Variants in NALF1 observed in about 807,000 individuals in gnomAD.
The protein encoded by NALF1 is family with sequence similarity 155 member A.
In NALF1, 3 loss-of-function variants were observed where a neutral mutation model predicts 48.4. The ratio of observed to expected loss-of-function variants is 0.06; its 90% confidence interval spans 0.03 to 0.16. NALF1 has a LOEUF of 0.16. NALF1 is among the 10% of genes least tolerant of loss of function. NALF1 has a pLI of 1.00. For synonymous variants in NALF1, 262 were observed against 245.7 expected, an observed-to-expected ratio of 1.07 and a Z score of -0.62; for missense variants, 526 against 571.5, an observed-to-expected ratio of 0.92 and a Z score of 0.81.
At chr13:107,514,240 C>T (rs933220019) in intron 1 of NALF1, among the ~76,000 whole-genome samples, 1 of 152,150 alleles carries the variant, frequency 6.6e-6, no homozygotes, top group Non-Finnish European at 1.5e-5. Context: ...CTTAATCTCT[C>T]TTTTGTTACA....
intron 1 of NALF1, among the ~76,000 whole-genome samples, chr13:107,794,810 T>C (rs747198164): frequency 9.2e-5 from 14 of 152,152 alleles, no homozygotes; most frequent in Non-Finnish European, 1.8e-4. Flanking sequence ...TGAGTTCTAA[T>C]GTGAACGTTT....
chr13:107,308,902 G>A (rs1188226875), intron 1 of NALF1, among the ~76,000 whole-genome samples: 1 of 152,156 alleles, frequency 6.6e-6, no homozygotes, highest in African/African-American at 2.4e-5. Context: ...GCCTCTTCAG[G>A]CTTCAACTCT....
At chr13:107,191,411 A>G (rs889568610) in intron 2 of NALF1, among the ~76,000 whole-genome samples, 3 of 152,234 alleles carry the variant, frequency 2.0e-5, no homozygotes, top group Admixed American at 6.5e-5. Flanking sequence ...CATTCTTGTG[A>G]TAGTTTAGAT....
At chr13:107,497,187 T>C (rs1426359248) in intron 1 of NALF1, among the ~76,000 whole-genome samples, 1 of 152,152 alleles carries the variant, frequency 6.6e-6, no homozygotes, top group Non-Finnish European at 1.5e-5. Context: ...AACAAGAAGT[T>C]AAAATAAATT....
chr13:107,799,068 G>A (rs1333911057), intron 1 of NALF1, among the ~76,000 whole-genome samples: 2 of 151,914 alleles, frequency 1.3e-5, no homozygotes, highest in East Asian at 1.9e-4. Flanking sequence ...AGTCCACATC[G>A]GCTTGCTCAT....
intron 1 of NALF1, among the ~76,000 whole-genome samples, chr13:107,467,790 C>T (rs139087505): frequency 1.0e-3 from 156 of 152,176 alleles, no homozygotes; most frequent in African/African-American, 3.3e-3. Flanking sequence ...CCTGTAATCC[C>T]GGCACTTTGG....
At chr13:107,768,865 A>T (rs1877492711) in intron 1 of NALF1, among the ~76,000 whole-genome samples, 1 of 152,170 alleles carries the variant, frequency 6.6e-6, no homozygotes, top group Admixed American at 6.5e-5. Context: ...CAACCCCATC[A>T]AAAAGTGGGC....
At chr13:107,530,768 C>T (rs887076669) in intron 1 of NALF1, among the ~76,000 whole-genome samples, 2 of 151,984 alleles carry the variant, frequency 1.3e-5, no homozygotes, top group Admixed American at 6.6e-5. Flanking sequence ...AGAGCTGAGG[C>T]TAATCATTTG....
intron 1 of NALF1, among the ~76,000 whole-genome samples, chr13:107,821,324 G>A (rs552933765): frequency 6.6e-6 from 1 of 152,152 alleles, no homozygotes; most frequent in Non-Finnish European, 1.5e-5. Flanking sequence ...CTTAGCATCA[G>A]TAATGATTCC....
At chr13:107,613,137 C>G (rs1488787483) in intron 1 of NALF1, among the ~76,000 whole-genome samples, 11 of 152,160 alleles carry the variant, frequency 7.2e-5, no homozygotes, top group Non-Finnish European at 2.9e-5. Flanking sequence ...AGATTCCAAA[C>G]TTGCAGTTAT....
At chr13:107,778,749 T>C (rs1034977835) in intron 1 of NALF1, among the ~76,000 whole-genome samples, 9 of 152,156 alleles carry the variant, frequency 5.9e-5, no homozygotes, top group African/African-American at 2.2e-4. Flanking sequence ...TCAGTTTTCA[T>C]GCTGAACCCT....
At chr13:107,645,120 T>TA (rs1880280874) in intron 1 of NALF1, among the ~76,000 whole-genome samples, 1 of 152,138 alleles carries the variant, frequency 6.6e-6, no homozygotes, top group Non-Finnish European at 1.5e-5. Context: ...GCATTTTCAT[T>TA]AATGTACCTA....
At chr13:107,749,100 G>C (rs1566467081) in intron 1 of NALF1, among the ~76,000 whole-genome samples, 1 of 150,146 alleles carries the variant, frequency 6.7e-6, no homozygotes, top group Non-Finnish European at 1.5e-5. Context: ...ATCAATTTAG[G>C]AAATGACTCA....
intron 1 of NALF1, among the ~76,000 whole-genome samples, chr13:107,720,372 G>A (rs1206982613): frequency 9.2e-5 from 14 of 151,960 alleles, no homozygotes; most frequent in African/African-American, 2.2e-4. Flanking sequence ...TCAGCCAGGC[G>A]CGGTGGCGCA....
chr13:107,836,004 C>T (rs1314750003), intron 1 of NALF1, among the ~76,000 whole-genome samples: 3 of 151,902 alleles, frequency 2.0e-5, no homozygotes, highest in Non-Finnish European at 4.4e-5. Context: ...TTGTTTTTTT[C>T]TTTTTGAGAC....
rs149296011 is a variant in NALF1 at position 107,866,381 on chromosome 13, G to C, written c.216C>G (p.His72Gln). Reference protein sequence around the residue: ...AKLTRARDKEHQQQQRQQQQQ... With the variant: ...AKLTRARDKEQQQQQRQQQQQ... ...GCTGCTGCTGCCGCTGCTGCTGCTG[G>C]TGCTCCTTGTCCCGGGCCCGGGTCA... Residue 72 changes from histidine (H) to glutamine (Q), a missense_variant, in exon 1 of 3, where the codon CAC becomes CAG. This residue lies in a region of NALF1 where 373 missense variants were observed against 355.5 expected (regional missense o/e 1.05). Transcript: ENST00000375915. The surrounding 1 kb of genome is among the most constrained non-coding windows in gnomAD (Gnocchi z 4.4). 1.5e-4 allele frequency: 235 copies of C among 1,611,648 alleles called. No individual in the cohort carries two copies. The highest frequency in any genetic ancestry group is 6.4e-4 in the African/African-American group (48 of 74,970).
chr13:107,244,266 C>T (rs1880534668), intron 1 of NALF1, among the ~76,000 whole-genome samples: 1 of 152,088 alleles, frequency 6.6e-6, no homozygotes, highest in Non-Finnish European at 1.5e-5. Context: ...AAAGATGTTT[C>T]TTGTCATTTT....
intron 2 of NALF1, among the ~76,000 whole-genome samples, chr13:107,189,932 C>G (rs1927761): frequency 0.73 from 110,379 of 152,064 alleles, 40,520 homozygotes; most frequent in African/African-American, 0.84. Context: ...GTGCTAGCTA[C>G]CTCAGCACTG....
intron 1 of NALF1, among the ~76,000 whole-genome samples, chr13:107,264,842 T>C (rs1040925474): frequency 6.6e-6 from 1 of 152,240 alleles, no homozygotes; most frequent in African/African-American, 2.4e-5. Flanking sequence ...ACATTGTTCA[T>C]TTTAAATAGC....
Sources: gnomAD v4.1 joint callset for allele counts (sites outside exome capture counted in the v4.1 genomes callset) on GRCh38, gnomAD v4.1.1 for gene constraint, gnomAD v4.1.1 regional missense constraint, Gnocchi (gnomAD v3.1) non-coding constraint, MANE v1.5 for transcripts, NCBI Gene and HGNC (gene_info 2026-07-23, HGNC 2026-07-21) for gene names.